The following ITM2B variants were observed in gnomAD, a reference collection of about 807,000 sequenced individuals.
ITM2B encodes ABri/ADan amyloid peptide.
In ITM2B, 11 loss-of-function variants were observed where a neutral mutation model predicts 27.8. The observed-to-expected ratio is 0.40, with a 90% CI of 0.25 to 0.66. ITM2B has a LOEUF of 0.66. Ranked by LOEUF, ITM2B falls within the 30% of genes least tolerant of loss-of-function variation. ITM2B has a pLI of 0.43. For synonymous variants in ITM2B, 114 were observed against 114.3 expected, an observed-to-expected ratio of 1.00 and a Z score of 0.02; for missense variants, 296 against 328.9, an observed-to-expected ratio of 0.90 and a Z score of 0.77.
chr13:48,247,576 T>A (rs1951731433), intron 1 of ITM2B, among the ~76,000 whole-genome samples: 1 of 152,144 alleles, frequency 6.6e-6, no homozygotes, highest in Non-Finnish European at 1.5e-5. Flanking sequence ...AGAATTGAAA[T>A]TATACGAAAA....
At position 48,261,579 on chromosome 13, in the gene ITM2B, C is replaced by G. The variant is rs571819815; in HGVS notation, c.*355C>G. 1 of 167,320 alleles carries G rather than the reference C, an allele frequency of 6.0e-6. No homozygotes were observed. The highest frequency in any genetic ancestry group is 1.5e-4 in the South Asian group (1 of 6,536). The allele number at this position is 167,320 out of a possible 1,614,324, so 10.4% of individuals were successfully genotyped here. On this transcript the variant is annotated 3_prime_UTR_variant, in exon 6 of 6. Coordinates refer to ENST00000647800, the MANE Select transcript of ITM2B (RefSeq NM_021999.5). ...TAGAGAATAATCATATATATGCATA[C>G]GTAAAAATGGACCACAGTGACTTAT...
intron 1 of ITM2B, among the ~76,000 whole-genome samples, chr13:48,238,469 G>A (rs1951681407): frequency 6.6e-6 from 1 of 152,120 alleles, no homozygotes; most frequent in Admixed American, 6.5e-5. Flanking sequence ...GAGTTGTAGC[G>A]ATGAGGAAAT....
intron 1 of ITM2B, among the ~76,000 whole-genome samples, chr13:48,243,106 C>G (rs1951708703): frequency 6.6e-6 from 1 of 152,004 alleles, no homozygotes; most frequent in African/African-American, 2.4e-5. Context: ...AATTTAAGAT[C>G]AGACAGGATG....
chr13:48,255,423 T>C (rs532655054), intron 2 of ITM2B, among the ~76,000 whole-genome samples: 4 of 151,956 alleles, frequency 2.6e-5, no homozygotes, highest in East Asian at 1.9e-4. Flanking sequence ...TCCCCAGGAG[T>C]AGCTAGGACT....
rs1169394163 is a variant in ITM2B, at chr13:48,268,730, A to G, written c.*7506A>G. ...TGAACATGCATGTACAAGTCTTTGT[A>G]GATAGCTCATGTTTTAAAAAGTGTT... On this transcript the variant is annotated 3_prime_UTR_variant, in exon 6 of 6. Transcript: ENST00000647800. The G allele has an allele frequency of 7.9e-5, 12 of 152,208 alleles. No individual in the cohort carries two copies. Among genetic ancestry groups the G allele is most frequent in the Non-Finnish European group, 1.8e-4 (12 of 68,036 alleles). 9.4% of individuals were successfully genotyped at this position (152,208 alleles called of 1,614,324 possible).
At position 48,233,306 on chromosome 13, in the gene ITM2B, C is replaced by G. The variant is rs1337282787; in HGVS notation, c.-55C>G. ...GAGGCTGCAATCGCAGCCGGGAGCCCGCAGCCCGCGCCCCGAGCCCGCCGC... is the reference window on the plus strand; with the variant it reads ...GAGGCTGCAATCGCAGCCGGGAGCCGGCAGCCCGCGCCCCGAGCCCGCCGC... On this transcript the variant is annotated 5_prime_UTR_variant, in exon 1 of 6. Coordinates refer to ENST00000647800, the MANE Select transcript of ITM2B (RefSeq NM_021999.5). The G allele has an allele frequency of 1.0e-5, 12 of 1,198,798 alleles. No individual in the cohort carries two copies. Among genetic ancestry groups the G allele is most frequent in the African/African-American group, 1.6e-5 (1 of 62,498 alleles). 74.3% of individuals were successfully genotyped at this position (1,198,798 alleles called of 1,614,324 possible).
intron 1 of ITM2B, among the ~76,000 whole-genome samples, chr13:48,251,887 T>C (rs1375704152): frequency 1.3e-5 from 2 of 152,268 alleles, no homozygotes; most frequent in Non-Finnish European, 2.9e-5. Flanking sequence ...CATTAAAGTT[T>C]CATAATACCT....
chr13:48,237,296 C>T (rs539554217), intron 1 of ITM2B, among the ~76,000 whole-genome samples: 15 of 152,290 alleles, frequency 9.8e-5, no homozygotes, highest in African/African-American at 3.6e-4. Flanking sequence ...GAAACTTTTA[C>T]ATTACATTTT....
At position 48,256,203 on chromosome 13, in the gene ITM2B, A is replaced by G; in HGVS notation, c.273A>G (p.Ile91Met). Residue 91 changes from isoleucine (I) to methionine (M), a missense_variant, in exon 3 of 6, where the codon ATA becomes ATG. Transcript: ENST00000647800. ...CAGATGACGTGTACTACTGTGGAAT[A>G]AAGTACATCAAAGATGATGTCATCT... The part of the protein sequence containing the change: ...LQPDDVYYCG[I>M]KYIKDDVILN... The G allele has an allele frequency of 6.2e-7, 1 of 1,612,902 alleles. No individual in the cohort carries two copies. Among genetic ancestry groups the G allele is most frequent in the East Asian group, 2.2e-5 (1 of 44,866 alleles).
rs1037761208 is a variant in ITM2B, at chr13:48,264,766, G to A, written c.*3542G>A. On this transcript the variant is annotated 3_prime_UTR_variant, in exon 6 of 6. Coordinates refer to ENST00000647800, the MANE Select transcript of ITM2B (RefSeq NM_021999.5). ...TATCTTGTCCAAAGTTATTGCTAGC[G>A]TTCTTCTTTCTGAGTCTTTGTGGCT... 7.2e-5 allele frequency: 11 copies of A among 152,124 alleles called. No homozygotes were observed. Among genetic ancestry groups the A allele is most frequent in the East Asian group, 1.9e-4 (1 of 5,190 alleles). 9.4% of individuals were successfully genotyped at this position (152,124 alleles called of 1,614,324 possible).
At position 48,270,013 on chromosome 13, in the gene ITM2B, G is replaced by A. The variant is rs1199892389; in HGVS notation, c.*8789G>A. 6.6e-6 allele frequency: 1 copy of A among 152,204 alleles called. No individual in the cohort carries two copies. The highest frequency in any genetic ancestry group is 2.4e-5 in the African/African-American group (1 of 41,436). The allele number at this position is 152,204 out of a possible 1,614,324, so 9.4% of individuals were successfully genotyped here. A position where few individuals can be genotyped will look rare whatever the true frequency, so the allele number is the denominator to read the frequency against. On this transcript the variant is annotated 3_prime_UTR_variant, in exon 6 of 6. Coordinates refer to ENST00000647800, the MANE Select transcript of ITM2B (RefSeq NM_021999.5). ...TTTCTCACAGAGGCTTTTCCAGAAG[G>A]TGGTCATTTCCATAGCCCATGTGGA...
At chr13:48,260,461 C>T (rs1413054796) in intron 5 of ITM2B, among the ~76,000 whole-genome samples, 3 of 152,268 alleles carry the variant, frequency 2.0e-5, no homozygotes, top group African/African-American at 7.2e-5. Context: ...ACACTCCCAC[C>T]AACAGTGTAA....
Position 48,261,283 on chromosome 13 carries a change from C to A in ITM2B, c.*59C>A. On this transcript the variant is annotated 3_prime_UTR_variant, in exon 6 of 6. Coordinates refer to ENST00000647800, the MANE Select transcript of ITM2B (RefSeq NM_021999.5). ...TATCACAGCATAACCCCACCCTTTA[C>A]ATTTTGTGCAGTGATTATTTTTTAA... 1.7e-6 allele frequency: 2 copies of A among 1,157,138 alleles called. No individual in the cohort carries two copies. Among genetic ancestry groups the A allele is most frequent in the Non-Finnish European group, 2.6e-6 (2 of 767,516 alleles). The allele number at this position is 1,157,138 out of a possible 1,614,324, so 71.7% of individuals were successfully genotyped here. A position where few individuals can be genotyped will look rare whatever the true frequency, so the allele number is the denominator to read the frequency against.
intron 1 of ITM2B, among the ~76,000 whole-genome samples, chr13:48,240,124 T>C (rs1286965859): frequency 6.6e-6 from 1 of 152,194 alleles, no homozygotes; most frequent in Non-Finnish European, 1.5e-5. Context: ...ATCAGCAAAA[T>C]AGGGAAAATA....
chr13:48,263,575 TTCTG>T lies in ITM2B; in HGVS notation c.*2355_*2358del, dbSNP rs1254677551. ...TCAGCTATCCTTCCCTCTTCTTGAG[TTCTG>T]TCTTAGTCCATTCGGGCTACTATAA... is the stretch of plus-strand genomic sequence containing the variant. On this transcript the variant is annotated 3_prime_UTR_variant, in exon 6 of 6. Transcript: ENST00000647800. The T allele has an allele frequency of 1.3e-5, 2 of 152,090 alleles. No individual in the cohort carries two copies. The highest frequency in any genetic ancestry group is 2.4e-5 in the African/African-American group (1 of 41,404). 9.4% of individuals were successfully genotyped at this position (152,090 alleles called of 1,614,324 possible).
chr13:48,234,615 A>G (rs1951656680), intron 1 of ITM2B, among the ~76,000 whole-genome samples: 1 of 152,220 alleles, frequency 6.6e-6, no homozygotes, highest in African/African-American at 2.4e-5. Flanking sequence ...AATTCACAAT[A>G]TAATGGTAAT....
intron 5 of ITM2B, among the ~76,000 whole-genome samples, chr13:48,260,690 C>G (rs1951817024): frequency 6.6e-6 from 1 of 152,148 alleles, no homozygotes; most frequent in African/African-American, 2.4e-5. Flanking sequence ...CATACTGCTG[C>G]AAAGGACATG....
At chr13:48,251,702 G>A (rs764485571) in intron 1 of ITM2B, among the ~76,000 whole-genome samples, 1 of 152,046 alleles carries the variant, frequency 6.6e-6, no homozygotes, top group African/African-American at 2.4e-5. Flanking sequence ...GGGTGTGTGC[G>A]CACATTTGGC....
At chr13:48,253,690 T>C in intron 1 of ITM2B, 118 bp from the exon 2 acceptor site, 1 of 1,023,172 alleles carries the variant, frequency 9.8e-7, no homozygotes, top group Non-Finnish European at 1.5e-6. Flanking sequence ...GAGACACAAC[T>C]CCTTTGGTCT....
Sources: gnomAD v4.1 joint callset for allele counts (sites outside exome capture counted in the v4.1 genomes callset) on GRCh38, gnomAD v4.1.1 for gene constraint, MANE v1.5 for transcripts, NCBI Gene and HGNC (gene_info 2026-07-23, HGNC 2026-07-21) for gene names.